SMOX: variants seen among roughly 807,000 people sequenced by gnomAD.
The protein encoded by SMOX is flavin containing amine oxidase.
A neutral mutation model predicts 51.0 loss-of-function variants in SMOX; 22 were observed. The ratio of observed to expected loss-of-function variants is 0.43; its 90% CI spans 0.31 to 0.62. The LOEUF (loss-of-function observed/expected upper bound fraction) is 0.62, where lower values mean the gene tolerates loss of function less well. Among genes scored for constraint, SMOX ranks in the 20% least tolerant of loss-of-function variants. The probability of loss-of-function intolerance (pLI) is 0.10; values close to 1 mark genes in which losing one functional copy is unlikely to be tolerated. For synonymous variants in SMOX, 282 were observed against 307.8 expected (o/e 0.92, Z 0.88); for missense variants, 566 against 777.7 (o/e 0.73, Z 3.24).
Position 4,182,937 on chromosome 20 carries a change from C to T in SMOX, c.1369+89C>T. 8 of 1,476,982 alleles carry T rather than the reference C, an allele frequency of 5.4e-6. No individual in the cohort carries two copies. The highest frequency in any genetic ancestry group is 7.2e-6 in the Non-Finnish European group (8 of 1,113,490). 91.5% of individuals were successfully genotyped at this position (1,476,982 alleles called of 1,614,324 possible). ...GTGGACCCATGGCAGCTCTCTCCTC[C>T]CCAGACCGTGAAGCTCGGATGCTGT... On this transcript the variant is annotated intron_variant, in intron 5 of 6. Transcript: ENST00000305958. This position sits in a 1 kb window ranked among gnomAD's most constrained non-coding sequence, Gnocchi z 8.4.
At position 4,153,410 on chromosome 20, in the gene SMOX, C is replaced by T. The variant is rs910819850; in HGVS notation, c.-27+4433C>T. Among the ~76,000 whole-genome samples the T allele has an allele frequency of 6.6e-6, 1 of 152,138 alleles. No individual in the cohort carries two copies. The highest frequency in any genetic ancestry group is 2.4e-5 in the African/African-American group (1 of 41,428). Reference sequence around the variant, plus strand: ...GACTCTGAAAGGAGGAAAGGCTTCCCCTGGGATGCCAGGCTGAGGAACTGG... The same window carrying T: ...GACTCTGAAAGGAGGAAAGGCTTCCTCTGGGATGCCAGGCTGAGGAACTGG... On this transcript the variant is annotated intron_variant, in intron 1 of 6. Coordinates refer to ENST00000305958, the MANE Select transcript of SMOX (RefSeq NM_175839.3). The surrounding 1 kb of genome is among the most constrained non-coding windows in gnomAD (Gnocchi z 4.4).
chr20:4,183,470 T>C lies in SMOX; in HGVS notation c.1370-24T>C. 1 of 1,614,118 alleles carries C rather than the reference T, an allele frequency of 6.2e-7. No homozygotes were observed. Among genetic ancestry groups the C allele is most frequent in the Non-Finnish European group, 8.5e-7 (1 of 1,180,022 alleles). On this transcript the variant is annotated intron_variant, in intron 5 of 6. Coordinates refer to ENST00000305958, the MANE Select transcript of SMOX (RefSeq NM_175839.3). This position sits in a 1 kb window ranked among gnomAD's most constrained non-coding sequence, Gnocchi z 4.3. ...CAGCCATTTCTTATCCTCCCTCCTCTTGGCTTTTCTGACTCTCCATCAGGG... is the reference window on the plus strand; with the variant it reads ...CAGCCATTTCTTATCCTCCCTCCTCCTGGCTTTTCTGACTCTCCATCAGGG...
intron 1 of SMOX, among the ~76,000 whole-genome samples, chr20:4,159,017 T>TA (rs10714303): frequency 5.8e-4 from 87 of 149,664 alleles, no homozygotes; most frequent in East Asian, 4.2e-3. Context: ...TTTGGAAAAT[T>TA]AAAAAAAAAA....
At chr20:4,154,820 G>A (rs1456460483) in intron 1 of SMOX, among the ~76,000 whole-genome samples, 1 of 146,522 alleles carries the variant, frequency 6.8e-6, no homozygotes, top group Non-Finnish European at 1.5e-5. Flanking sequence ...AGGCTCCTGT[G>A]TTGCGGGATG....
At position 4,177,654 on chromosome 20, in the gene SMOX, C is replaced by G; in HGVS notation, c.435+77C>G. ...GTCTGTGATTCTGGTCGTGTCTCTGCACACTCCCTGGGCCTTGCATTTGGA... is the reference window on the plus strand; with the variant it reads ...GTCTGTGATTCTGGTCGTGTCTCTGGACACTCCCTGGGCCTTGCATTTGGA... On this transcript the variant is annotated intron_variant, in intron 3 of 6. Transcript: ENST00000305958. The surrounding 1 kb of genome is among the most constrained non-coding windows in gnomAD (Gnocchi z 4.3). The G allele has an allele frequency of 7.4e-7, 1 of 1,352,646 alleles. No individual in the cohort carries two copies. The highest frequency in any genetic ancestry group is 1.0e-6 in the Non-Finnish European group (1 of 978,404). The allele number at this position is 1,352,646 out of a possible 1,614,324, so 83.8% of individuals were successfully genotyped here.
chr20:4,151,516 T>G (rs1985760851), intron 1 of SMOX, among the ~76,000 whole-genome samples: 1 of 152,108 alleles, frequency 6.6e-6, no homozygotes, highest in African/African-American at 2.4e-5. Flanking sequence ...CCCCTTTGCA[T>G]TCTCCCTGAC....
chr20:4,173,571 C>G (rs1480756615), intron 1 of SMOX, among the ~76,000 whole-genome samples: 1 of 152,194 alleles, frequency 6.6e-6, no homozygotes, highest in Non-Finnish European at 1.5e-5. Context: ...AATGTGCCCT[C>G]TTTCTGTTGG....
In SMOX at chr20:4,182,106, C is replaced by T. The variant is rs754784495; in HGVS notation, c.627C>T (p.Ser209=). 1.3e-6 allele frequency: 2 copies of T among 1,590,034 alleles called. No homozygotes were observed. Among genetic ancestry groups the T allele is most frequent in the Non-Finnish European group, 1.7e-6 (2 of 1,165,610 alleles). Residue 209 remains serine, a synonymous_variant, in exon 5 of 7, where the codon AGC becomes AGT. Transcript: ENST00000305958. The surrounding 1 kb of genome is among the most constrained non-coding windows in gnomAD (Gnocchi z 8.4). ...QQYLKVESCE[S]SSHSMDEVSL... ...TCCCGCAGGTGGAGAGCTGTGAGAG[C>T]AGCTCACACAGCATGGACGAGGTGT...
In SMOX at chr20:4,167,254, G is replaced by A. The variant is rs1439817326; in HGVS notation, c.-26-7776G>A. 6.6e-6 allele frequency among the ~76,000 whole-genome samples: 1 copy of A among 152,130 alleles called. No homozygotes were observed. The highest frequency in any genetic ancestry group is 1.5e-5 in the Non-Finnish European group (1 of 68,030). On this transcript the variant is annotated intron_variant, in intron 1 of 6. Transcript: ENST00000305958. This position sits in a 1 kb window ranked among gnomAD's most constrained non-coding sequence, Gnocchi z 4.8. Reference sequence around the variant, plus strand: ...AAGGTCCAGCCTGATAGTAGGGTTGGGGCCAAGGTGAAGGCTGGGTTCTGA... The same window carrying A: ...AAGGTCCAGCCTGATAGTAGGGTTGAGGCCAAGGTGAAGGCTGGGTTCTGA...
chr20:4,183,188 A>C lies in SMOX; in HGVS notation c.1370-306A>C, dbSNP rs1167287540. 1.8e-6 allele frequency: 1 copy of C among 563,824 alleles called. No individual in the cohort carries two copies. The highest frequency in any genetic ancestry group is 3.1e-6 in the Non-Finnish European group (1 of 317,874). 34.9% of individuals were successfully genotyped at this position (563,824 alleles called of 1,614,324 possible). A position where few individuals can be genotyped will look rare whatever the true frequency, so the allele number is the denominator to read the frequency against. ...TTCAGCTCAACATTTTTCACCCACT[A>C]TTCCAGGAGGACCTCACGAGAACCC... is the stretch of plus-strand genomic sequence containing the variant. On this transcript the variant is annotated intron_variant, in intron 5 of 6. Coordinates refer to ENST00000305958, the MANE Select transcript of SMOX (RefSeq NM_175839.3). This position sits in a 1 kb window ranked among gnomAD's most constrained non-coding sequence, Gnocchi z 4.3.
Position 4,177,925 on chromosome 20 carries a change from A to C in SMOX, c.435+348A>C, listed in dbSNP as rs1979006876. 6.6e-6 allele frequency among the ~76,000 whole-genome samples: 1 copy of C among 152,164 alleles called. No individual in the cohort carries two copies. The highest frequency in any genetic ancestry group is 2.1e-4 in the South Asian group (1 of 4,832). On this transcript the variant is annotated intron_variant, in intron 3 of 6. Transcript: ENST00000305958. The surrounding 1 kb of genome is among the most constrained non-coding windows in gnomAD (Gnocchi z 4.3). ...GCATTTATCCAATAGAACTTTCCAC[A>C]GTGATGGTGATGTTTTAGACCTTCG...
At chr20:4,155,032 C>T (rs187050382) in intron 1 of SMOX, among the ~76,000 whole-genome samples, 93 of 152,016 alleles carry the variant, frequency 6.1e-4, no homozygotes, top group Non-Finnish European at 1.1e-3. Flanking sequence ...CCCAAGACCA[C>T]GAGGGGGTAT....
rs779584276 is a variant in SMOX at position 4,187,389 on chromosome 20, C to A, written c.1650C>A (p.Leu550=). 1.9e-6 allele frequency: 3 copies of A among 1,614,092 alleles called. No homozygotes were observed. In the South Asian group the frequency reaches 3.3e-5, roughly 18 times the overall value. The change falls in exon 7 of 7, where the codon CTC becomes CTA. Residue 550 remains leucine (L), a synonymous_variant. Transcript: ENST00000305958. The surrounding 1 kb of genome is among the most constrained non-coding windows in gnomAD (Gnocchi z 4.8). ...AARLIEMYRD[L]FQQGT Reference sequence around the variant, plus strand: ...GCCTCATTGAGATGTACCGAGACCTCTTCCAGCAGGGGACCTGAGGGCTGT... The same window carrying A: ...GCCTCATTGAGATGTACCGAGACCTATTCCAGCAGGGGACCTGAGGGCTGT...
chr20:4,163,073 T>G (rs1986407413), intron 1 of SMOX, among the ~76,000 whole-genome samples: 1 of 152,174 alleles, frequency 6.6e-6, no homozygotes. Flanking sequence ...GCTTGGGCAC[T>G]GCCTGGCCTT....
At chr20:4,150,959 G>A (rs766569372) in intron 1 of SMOX, among the ~76,000 whole-genome samples, 9 of 150,552 alleles carry the variant, frequency 6.0e-5, no homozygotes, top group Non-Finnish European at 1.0e-4. Context: ...AGCCTCCCAA[G>A]TAGCTGAGAT....
rs1326549347 is a variant in SMOX at position 4,177,801 on chromosome 20, G to A, written c.435+224G>A. Reference sequence around the variant, plus strand: ...TAATAATACATCTATTATGTTAATTGTATTAATTTATATTCTAATAATATT... The same window carrying A: ...TAATAATACATCTATTATGTTAATTATATTAATTTATATTCTAATAATATT... On this transcript the variant is annotated intron_variant, in intron 3 of 6. Transcript: ENST00000305958. This position sits in a 1 kb window ranked among gnomAD's most constrained non-coding sequence, Gnocchi z 4.3. Among the ~76,000 whole-genome samples the A allele has an allele frequency of 6.6e-6, 1 of 152,114 alleles. No homozygotes were observed. Among genetic ancestry groups the A allele is most frequent in the East Asian group, 1.9e-4 (1 of 5,202 alleles).
intron 1 of SMOX, among the ~76,000 whole-genome samples, chr20:4,162,344 C>A (rs1224994510): frequency 1.3e-5 from 2 of 152,224 alleles, no homozygotes; most frequent in Non-Finnish European, 2.9e-5. Flanking sequence ...GGATTCCAAG[C>A]CAGTCCAGGT....
At chr20:4,151,111 C>T (rs549365960) in intron 1 of SMOX, among the ~76,000 whole-genome samples, 12 of 152,212 alleles carry the variant, frequency 7.9e-5, no homozygotes, top group South Asian at 4.1e-4. Context: ...GGATTACAGG[C>T]GTGAACCACT....
At position 4,149,824 on chromosome 20, in the gene SMOX, A is replaced by G. The variant is rs1196080737; in HGVS notation, c.-27+847A>G. Among the ~76,000 whole-genome samples, 1 of 152,068 alleles carries G rather than the reference A, an allele frequency of 6.6e-6. No homozygotes were observed. The highest frequency in any genetic ancestry group is 1.9e-4 in the East Asian group (1 of 5,160). On this transcript the variant is annotated intron_variant, in intron 1 of 6. Coordinates refer to ENST00000305958, the MANE Select transcript of SMOX (RefSeq NM_175839.3). The surrounding 1 kb of genome is among the most constrained non-coding windows in gnomAD (Gnocchi z 6.0). The stretch of plus-strand genomic sequence containing the variant: ...ACCTGCTGTTGGTGGCACATCACGT[A>G]CCAGTCTGTGGGGGCAACTTGGCCG...
Sources: allele counts gnomAD v4.1 joint callset (sites outside exome capture counted in the v4.1 genomes callset), GRCh38; gene constraint gnomAD v4.1.1; non-coding constraint Gnocchi (gnomAD v3.1); transcripts MANE v1.5; gene names NCBI Gene and HGNC (gene_info 2026-07-23, HGNC 2026-07-21).